The following ITPR1 variants were observed in gnomAD, a reference collection of about 807,000 sequenced individuals.
ITPR1 encodes inositol 1,4,5-trisphosphate-gated calcium channel ITPR1.
A neutral mutation model predicts 318.4 loss-of-function variants in ITPR1; 96 were observed. That is an observed-to-expected ratio of 0.30 (90% CI 0.26 to 0.36). ITPR1 has a LOEUF of 0.36. Among genes scored for constraint, ITPR1 ranks in the 10% least tolerant of loss-of-function variants. The pLI, the probability that ITPR1 is intolerant of heterozygous loss-of-function variation, is 1.00. For missense variants in ITPR1, 2,440 were observed against 3,460.2 expected (o/e 0.71, Z 7.40); for synonymous variants, 1,312 against 1,289.9 (o/e 1.02, Z -0.37).
At chr3:4,626,121 C>T (rs56654107) in intron 4 of ITPR1, among the ~76,000 whole-genome samples, 1,640 of 151,982 alleles carry the variant, frequency 0.011, 37 homozygotes, top group African/African-American at 0.038. Flanking sequence ...GCACTCCAGC[C>T]TGGGCAACAT....
intron 4 of ITPR1, among the ~76,000 whole-genome samples, chr3:4,568,613 G>A (rs2087638449): frequency 6.6e-6 from 1 of 152,162 alleles, no homozygotes; most frequent in African/African-American, 2.4e-5. Context: ...TAGTGACCAG[G>A]TAGACAGAGG....
chr3:4,728,265 A>C (rs2042663680), intron 42 of ITPR1, among the ~76,000 whole-genome samples: 1 of 152,164 alleles, frequency 6.6e-6, no homozygotes, highest in Non-Finnish European at 1.5e-5. Context: ...ACTGATTTTC[A>C]TGTTGCCCAT....
chr3:4,660,952 T>C, intron 13 of ITPR1, 36 bp from the exon 14 acceptor site: 1 of 1,117,376 alleles, frequency 8.9e-7, no homozygotes, highest in Middle Eastern at 2.0e-4. Flanking sequence ...AACCTCAATA[T>C]TTATTTCCCT....
intron 46 of ITPR1, among the ~76,000 whole-genome samples, chr3:4,773,891 G>T (rs1274103884): frequency 6.6e-6 from 1 of 152,242 alleles, no homozygotes; most frequent in African/African-American, 2.4e-5. Context: ...GTAGTGGGGA[G>T]AAAGGAGGTG....
chr3:4,828,433 G>A (rs910484340), intron 60 of ITPR1, among the ~76,000 whole-genome samples: 3 of 152,190 alleles, frequency 2.0e-5, no homozygotes, highest in Non-Finnish European at 4.4e-5. Context: ...GAGCCTGATT[G>A]TTCTCTATTC....
At position 4,660,981 on chromosome 3, in the gene ITPR1, C is replaced by G. The variant is rs1183268061; in HGVS notation, c.1152-7C>G. ...TTTCCCTAAAACCCTCCTTTTTTCC[C>G]TGTTAGGAACTCTTATGTTCGGCTC... is the stretch of plus-strand genomic sequence containing the variant. On this transcript the variant is annotated splice_polypyrimidine_tract_variant and splice_region_variant and intron_variant, in intron 13 of 61. Transcript: ENST00000649015. 2 of 1,489,134 alleles carry G rather than the reference C, an allele frequency of 1.3e-6. No homozygotes were observed. Among genetic ancestry groups the G allele is most frequent in the Non-Finnish European group, 1.9e-6 (2 of 1,081,022 alleles). 92.2% of individuals were successfully genotyped at this position (1,489,134 alleles called of 1,614,324 possible). A position where few individuals can be genotyped will look rare whatever the true frequency, so the allele number is the denominator to read the frequency against.
intron 11 of ITPR1, among the ~76,000 whole-genome samples, chr3:4,652,430 A>G (rs931686675): frequency 6.6e-6 from 1 of 152,204 alleles, no homozygotes; most frequent in East Asian, 1.9e-4. Context: ...GATGCTGATC[A>G]AGATGTGGGG....
chr3:4,821,566 C>A (rs1166627288), intron 60 of ITPR1, among the ~76,000 whole-genome samples: 1 of 152,218 alleles, frequency 6.6e-6, no homozygotes, highest in African/African-American at 2.4e-5. Flanking sequence ...GAAAGAATGA[C>A]ATTTGACGAG....
chr3:4,596,618 T>C (rs2090847276), intron 4 of ITPR1, among the ~76,000 whole-genome samples: 2 of 152,224 alleles, frequency 1.3e-5, no homozygotes, highest in Non-Finnish European at 2.9e-5. Context: ...TGAGGTCATA[T>C]GGGTTATATG....
At chr3:4,603,201 A>T (rs1327961622) in intron 4 of ITPR1, among the ~76,000 whole-genome samples, 1 of 152,022 alleles carries the variant, frequency 6.6e-6, no homozygotes, top group Non-Finnish European at 1.5e-5. Context: ...TTTTTTTTAC[A>T]GTCAGCTATA....
chr3:4,766,717 G>C lies in ITPR1; in HGVS notation c.5725+7G>C. On this transcript the variant is annotated splice_region_variant and intron_variant, in intron 45 of 61. Transcript: ENST00000649015. ...GCCCCATCACGGAAAAAAGGTAAAT[G>C]TTCCTCAGTCTTCAGTCAGCTGGAT... 6.3e-7 allele frequency: 1 copy of C among 1,589,018 alleles called. No individual in the cohort carries two copies. Among genetic ancestry groups the C allele is most frequent in the South Asian group, 1.2e-5 (1 of 86,838 alleles).
chr3:4,800,547 C>G lies in ITPR1; in HGVS notation c.7054C>G (p.Leu2352Val), dbSNP rs2291862. The G allele has an allele frequency of 1.2e-6, 2 of 1,613,810 alleles. No homozygotes were observed. Among genetic ancestry groups the G allele is most frequent in the African/African-American group, 1.3e-5 (1 of 74,910 alleles). The change falls in exon 54 of 62, where the codon CTG becomes GTG. Residue 2352 changes from leucine to valine, a missense_variant. Physicochemically the swap from Leu to Val is conservative, Grantham distance 32. Around this residue, in one of 23 missense-constraint regions of ITPR1, gnomAD observed 126 missense variants for 150.8 expected, o/e 0.84. Transcript: ENST00000649015. Reference protein sequence around the residue: ...RALIASTILRLIFSVGLQPTL... With the variant: ...RALIASTILRVIFSVGLQPTL... ...CTTAATTGCCTCCACAATTCTACGA[C>G]TGATATTTTCAGTCGGGTTACAACC...
intron 59 of ITPR1, 118 bp downstream of exon 59, chr3:4,815,336 G>A (rs1044178874): frequency 2.2e-5 from 19 of 882,018 alleles, no homozygotes; most frequent in Admixed American, 2.0e-4. Flanking sequence ...AGGGGGCACC[G>A]GCTGCTGCTT....
At chr3:4,782,209 T>A (rs1438769943) in intron 49 of ITPR1, 2 of 154,936 alleles carry the variant, frequency 1.3e-5, no homozygotes, top group Admixed American at 1.3e-4. Flanking sequence ...ATAGACTTCT[T>A]ATCAGGTTTT....
intron 34 of ITPR1, 104 bp from the exon 35 acceptor site, chr3:4,699,709 T>G: frequency 9.0e-7 from 1 of 1,116,854 alleles, no homozygotes; most frequent in Non-Finnish European, 1.3e-6. Context: ...CAGCAGGCCT[T>G]TACCTTTCAT....
At chr3:4,658,905 A>C in intron 13 of ITPR1, among the ~76,000 whole-genome samples, 1 of 152,170 alleles carries the variant, frequency 6.6e-6, no homozygotes, top group African/African-American at 2.4e-5. Flanking sequence ...CATGCTAGAC[A>C]CAAAGCTAAG....
intron 4 of ITPR1, among the ~76,000 whole-genome samples, chr3:4,550,902 A>G (rs994566875): frequency 7.9e-5 from 12 of 151,170 alleles, no homozygotes; most frequent in Admixed American, 3.9e-4. Context: ...AAAAAAAAGA[A>G]AGAAAAGAAA....
chr3:4,542,683 C>CG (rs368356555), intron 4 of ITPR1, among the ~76,000 whole-genome samples: 738 of 54,856 alleles, frequency 0.013, 4 homozygotes, highest in Non-Finnish European at 0.031. Flanking sequence ...TTGTGTGTGG[C>CG]GGGGGGGTGG....
At chr3:4,583,294 C>T (rs2089540876) in intron 4 of ITPR1, among the ~76,000 whole-genome samples, 1 of 152,122 alleles carries the variant, frequency 6.6e-6, no homozygotes, top group African/African-American at 2.4e-5. Flanking sequence ...TGCTCTAAAA[C>T]TCTACAAATG....
Sources: allele counts gnomAD v4.1 joint callset (sites outside exome capture counted in the v4.1 genomes callset), GRCh38; gene constraint gnomAD v4.1.1; regional missense constraint gnomAD v4.1.1; transcripts MANE v1.5; gene names NCBI Gene and HGNC (gene_info 2026-07-23, HGNC 2026-07-21).